The following TBL1XR1 variants were observed in gnomAD, a reference collection of about 807,000 sequenced individuals.
TBL1XR1 encodes F-box-like/WD repeat-containing protein TBL1XR1.
A neutral mutation model predicts 66.9 loss-of-function variants in TBL1XR1; 5 were observed. The observed-to-expected ratio is 0.07, with a 90% CI of 0.04 to 0.16. The LOEUF is 0.16. Among genes scored for constraint, TBL1XR1 ranks in the 10% least tolerant of loss-of-function variants. The probability of loss-of-function intolerance (pLI) is 1.00; values close to 1 mark genes in which losing one functional copy is unlikely to be tolerated. For synonymous variants in TBL1XR1, 210 were observed against 206.0 expected (o/e 1.02, Z -0.17); for missense variants, 238 against 623.2 (o/e 0.38, Z 6.58).
At position 177,181,836 on chromosome 3, in the gene TBL1XR1, A is replaced by C. The variant is rs73171142; in HGVS notation, c.-122+15285T>G. ...GTTCAAGTTAGGAAAAAAAAAAAAA[A>C]ACACACACATGATGAAGGGTCTAAA... On this transcript the variant is annotated intron_variant, in intron 1 of 15. Coordinates refer to ENST00000457928, the MANE Select transcript of TBL1XR1 (RefSeq NM_024665.7). 9.0e-4 allele frequency among the ~76,000 whole-genome samples: 134 copies of C among 149,654 alleles called. 1 individual carries two copies. The highest frequency in any genetic ancestry group is 3.5e-3 in the Middle Eastern group (1 of 284).
At position 177,128,536 on chromosome 3, in the gene TBL1XR1, G is replaced by A. The variant is rs1049659021; in HGVS notation, c.-121-29995C>T. Reference sequence around the variant, plus strand: ...CAACAGATGCATCCCACCACGCCTGGTTAATTTTTGTATTTTTAGTAGAGA... The same window carrying A: ...CAACAGATGCATCCCACCACGCCTGATTAATTTTTGTATTTTTAGTAGAGA... On this transcript the variant is annotated intron_variant, in intron 1 of 15. Transcript: ENST00000457928. Among the ~76,000 whole-genome samples the A allele has an allele frequency of 5.3e-5, 8 of 152,176 alleles. No homozygotes were observed. The South Asian group carries it at 1.0e-3, about 20-fold the overall frequency.
chr3:177,171,983 T>C (rs184338891), intron 1 of TBL1XR1, among the ~76,000 whole-genome samples: 222 of 152,042 alleles, frequency 1.5e-3, no homozygotes, highest in African/African-American at 5.2e-3. Context: ...ACCCAAAGAA[T>C]GGCCAGATGC....
intron 1 of TBL1XR1, among the ~76,000 whole-genome samples, chr3:177,196,892 T>C (rs186056080): frequency 1.5e-4 from 22 of 151,212 alleles, no homozygotes; most frequent in Non-Finnish European, 4.4e-5. Context: ...CACGTGAGCA[T>C]TTCAAAGAAA....
At chr3:177,049,584 G>GT (rs1012148554) in intron 7 of TBL1XR1, among the ~76,000 whole-genome samples, 11 of 152,086 alleles carry the variant, frequency 7.2e-5, no homozygotes, top group African/African-American at 2.7e-4. Flanking sequence ...ACAAGAACAT[G>GT]TTTTTTGCTA....
At chr3:177,095,823 AAAG>A (rs1723409147) in intron 2 of TBL1XR1, among the ~76,000 whole-genome samples, 1 of 152,192 alleles carries the variant, frequency 6.6e-6, no homozygotes, top group Admixed American at 6.5e-5. Flanking sequence ...TGTCTAGGTA[AAAG>A]AAGAGTGAAG....
chr3:177,096,331 T>TACACACACAC lies in TBL1XR1; in HGVS notation c.-46+2134_-46+2135insGTGTGTGTGT, dbSNP rs756833949. ...CATCTCTAACACACACTAACATACA[T>TACACACACAC]ACATACACACACACACACACACTTA... is the stretch of plus-strand genomic sequence containing the variant. On this transcript the variant is annotated intron_variant, in intron 2 of 15. Coordinates refer to ENST00000457928, the MANE Select transcript of TBL1XR1 (RefSeq NM_024665.7). 8.3e-3 allele frequency among the ~76,000 whole-genome samples: 837 copies of TACACACACAC among 100,744 alleles called. 6 individuals are homozygous for TACACACACAC. Among genetic ancestry groups the TACACACACAC allele is most frequent in the African/African-American group, 0.027 (739 of 27,428 alleles). The allele number at this position is 100,744 out of a possible 152,430, so 66.1% of individuals were successfully genotyped here.
At chr3:177,102,994 C>T (rs187659630) in intron 1 of TBL1XR1, among the ~76,000 whole-genome samples, 4 of 152,242 alleles carry the variant, frequency 2.6e-5, no homozygotes, top group African/African-American at 9.6e-5. Context: ...AAGAATAATG[C>T]CTTGAACATA....
intron 1 of TBL1XR1, among the ~76,000 whole-genome samples, chr3:177,192,711 C>A (rs983861278): frequency 2.0e-5 from 3 of 152,120 alleles, no homozygotes; most frequent in Non-Finnish European, 4.4e-5. Flanking sequence ...TACAAAGAAA[C>A]AAACTTCAAA....
intron 1 of TBL1XR1, among the ~76,000 whole-genome samples, chr3:177,132,770 A>T (rs1213822871): frequency 6.6e-6 from 1 of 152,192 alleles, no homozygotes; most frequent in Non-Finnish European, 1.5e-5. Context: ...AAGGGTGGCT[A>T]CAGAGTGGCA....
At chr3:177,190,693 G>A (rs999268282) in intron 1 of TBL1XR1, among the ~76,000 whole-genome samples, 1 of 152,086 alleles carries the variant, frequency 6.6e-6, no homozygotes, top group Non-Finnish European at 1.5e-5. Flanking sequence ...AAATTTAAAT[G>A]AACAGTTAAA....
chr3:177,192,018 G>C (rs538298363), intron 1 of TBL1XR1, among the ~76,000 whole-genome samples: 2 of 151,174 alleles, frequency 1.3e-5, no homozygotes, highest in Admixed American at 1.3e-4. Context: ...GCTTGAACCC[G>C]GGAGGCAGAG....
At chr3:177,027,512 G>A (rs1218810000) in intron 14 of TBL1XR1, 1 of 152,164 alleles carries the variant, frequency 6.6e-6, no homozygotes, top group Non-Finnish European at 1.5e-5. Context: ...GTCCTGTTAT[G>A]AAAACTGAAA....
At chr3:177,045,733 GTAT>G (rs751168545) in intron 10 of TBL1XR1, among the ~76,000 whole-genome samples, 100 of 151,830 alleles carry the variant, frequency 6.6e-4, no homozygotes, top group African/African-American at 1.8e-3. Flanking sequence ...TAACAAACAG[GTAT>G]TATTATTATT....
intron 2 of TBL1XR1, among the ~76,000 whole-genome samples, chr3:177,090,892 G>T (rs547228948): frequency 8.5e-5 from 13 of 152,320 alleles, no homozygotes; most frequent in African/African-American, 1.4e-4. Context: ...GGGAGGCTGA[G>T]GTGGGAGAAT....
intron 1 of TBL1XR1, among the ~76,000 whole-genome samples, chr3:177,129,854 C>G (rs971818682): frequency 6.6e-6 from 1 of 151,990 alleles, no homozygotes; most frequent in African/African-American, 2.4e-5. Context: ...TTTAAAAATG[C>G]ACATATCCAG....
At chr3:177,192,398 CAAA>C (rs759331999) in intron 1 of TBL1XR1, among the ~76,000 whole-genome samples, 6 of 83,474 alleles carry the variant, frequency 7.2e-5, no homozygotes, top group Admixed American at 2.5e-4. Context: ...GACTTTATCT[CAAA>C]AAAAAAAAAA....
Position 177,050,469 on chromosome 3 carries a change from GA to G in TBL1XR1, c.560+8del. 6.2e-7 allele frequency: 1 copy of G among 1,613,016 alleles called. No homozygotes were observed. Among genetic ancestry groups the G allele is most frequent in the Non-Finnish European group, 8.5e-7 (1 of 1,179,528 alleles). On this transcript the variant is annotated splice_region_variant and intron_variant, in intron 6 of 15. Coordinates refer to ENST00000457928, the MANE Select transcript of TBL1XR1 (RefSeq NM_024665.7). ...TTAAGTCATTTTAGTATCACTTTGA[GA>G]AACATACCCTGATGCTAGGAGATCA...
intron 1 of TBL1XR1, among the ~76,000 whole-genome samples, chr3:177,116,675 AAAC>A (rs549443735): frequency 8.6e-4 from 131 of 152,340 alleles, no homozygotes; most frequent in African/African-American, 3.0e-3. Flanking sequence ...ACTGAGAATC[AAAC>A]AACAAGCTGG....
intron 1 of TBL1XR1, among the ~76,000 whole-genome samples, chr3:177,114,167 A>G (rs1490458029): frequency 6.6e-6 from 1 of 151,770 alleles, no homozygotes; most frequent in East Asian, 1.9e-4. Flanking sequence ...TAATGCATTT[A>G]TTAATTCACT....
Sources: gnomAD v4.1 joint callset for allele counts (sites outside exome capture counted in the v4.1 genomes callset) on GRCh38, gnomAD v4.1.1 for gene constraint, MANE v1.5 for transcripts, NCBI Gene and HGNC (gene_info 2026-07-23, HGNC 2026-07-21) for gene names.